The following CPLANE1 variants were observed in gnomAD, a reference collection of about 807,000 sequenced individuals.
The protein encoded by CPLANE1 is ciliogenesis and planar polarity effector complex subunit 1.
A neutral mutation model predicts 362.5 loss-of-function variants in CPLANE1; 263 were observed. The observed-to-expected ratio is 0.73, with a 90% confidence interval of 0.66 to 0.80. The LOEUF (loss-of-function observed/expected upper bound fraction) is 0.80, where lower values mean the gene tolerates loss of function less well. CPLANE1 is among the 30% of genes least tolerant of loss of function. The pLI is 0.00. For synonymous variants in CPLANE1, 1,212 were observed against 1,302.6 expected, an observed-to-expected ratio of 0.93 and a Z score of 1.50; for missense variants, 3,461 against 3,793.4, an observed-to-expected ratio of 0.91 and a Z score of 2.30.
the CPLANE1 span, chr5:37,085,358 C>A: frequency 7.4e-7 from 1 of 1,347,058 alleles, no homozygotes; most frequent in Non-Finnish European, 1.1e-6. Context: ...TCCATCTGAT[C>A]TATGACACCA....
At chr5:37,098,390 C>G in the CPLANE1 span, among the ~76,000 whole-genome samples, 33 of 37,626 alleles carry the variant, frequency 8.8e-4, no homozygotes, top group African/African-American at 2.9e-3. Flanking sequence ...AACTCCGTCT[C>G]AAAAAAAAAA....
In CPLANE1 at chr5:37,170,087, T is replaced by A. The variant is rs1017787313; in HGVS notation, c.6416A>T (p.His2139Leu). ...REPRKNSPHC[H>L]EGTIPSGQNS... ...TTGACCAGATGGGATAGTTCCTTCATGGCAGTGTGGGCTGTTCTTGCGAGG... is the reference window on the plus strand; with the variant it reads ...TTGACCAGATGGGATAGTTCCTTCAAGGCAGTGTGGGCTGTTCTTGCGAGG... The change falls in exon 33 of 53, where the codon CAT becomes CTT. Residue 2139 changes from histidine (H) to leucine (L), a missense_variant. By Grantham distance (99) the His-to-Leu change is moderately conservative. Around this residue, in one of 2 missense-constraint regions of CPLANE1, gnomAD observed 3,380 missense variants for 3,666.1 expected, o/e 0.92. Transcript: ENST00000651892. The A allele has an allele frequency of 1.2e-6, 2 of 1,614,070 alleles. No homozygotes were observed. Among genetic ancestry groups the A allele is most frequent in the African/African-American group, 1.3e-5 (1 of 74,930 alleles).
rs749362368 is a variant in CPLANE1, at chr5:37,184,786, A to T, written c.4481+2T>A. ...CCAGTGATTAAAAGATCTCAATTGT[A>T]CCTTTGATAGATATTTATCCTACTT... On this transcript the variant is annotated splice_donor_variant, in intron 25 of 52. Coordinates refer to ENST00000651892, the MANE Select transcript of CPLANE1 (RefSeq NM_001384732.1). LOFTEE classifies it high-confidence loss of function. The T allele has an allele frequency of 1.2e-6, 2 of 1,607,484 alleles. No individual in the cohort carries two copies. Among genetic ancestry groups the T allele is most frequent in the East Asian group, 4.5e-5 (2 of 44,830 alleles).
Position 37,153,785 on chromosome 5 carries a change from T to A in CPLANE1, c.8328A>T (p.Glu2776Asp), listed in dbSNP as rs769769195. The stretch of plus-strand genomic sequence containing the variant: ...GCATTTCAGGCTTGGGGAAATCCTG[T>A]TCTATGTTTTCAGCAATGTTCTGTA... ...LAIQNIAENIEQDFPKPEMLD... is the reference protein window; with the variant it reads ...LAIQNIAENIDQDFPKPEMLD... The change falls in exon 42 of 53, where the codon GAA (glutamate) becomes GAT (aspartate). Residue 2776 changes from glutamate (E) to aspartate (D), a missense_variant. Physicochemically the swap from Glu to Asp is conservative, Grantham distance 45 (BLOSUM62 2). Coordinates refer to ENST00000651892, the MANE Select transcript of CPLANE1 (RefSeq NM_001384732.1). 4.0e-5 allele frequency: 65 copies of A among 1,613,866 alleles called. No individual in the cohort carries two copies. Among genetic ancestry groups the A allele is most frequent in the Non-Finnish European group, 5.3e-5 (62 of 1,179,910 alleles).
rs567136523 is a variant in CPLANE1, at chr5:37,213,708, C to A, written c.2771G>T (p.Cys924Phe). ...AGGATGAACACCGCCCACCATTCCA[C>A]ACTCAAAATGAGACTTTGCAGCACC... Reference protein sequence around the residue: ...FSGAAKSHFECGMVGGVHPEA... With the variant: ...FSGAAKSHFEFGMVGGVHPEA... The change falls in exon 16 of 53, where the codon TGT becomes TTT. Residue 924 changes from cysteine to phenylalanine, a missense_variant. Physicochemically the swap from Cys to Phe is radical, Grantham distance 205. Coordinates refer to ENST00000651892, the MANE Select transcript of CPLANE1 (RefSeq NM_001384732.1). The A allele has an allele frequency of 5.3e-6, 8 of 1,521,700 alleles. No individual in the cohort carries two copies. In the African/African-American group the frequency reaches 1.1e-4, roughly 21 times the overall value. 94.3% of individuals were successfully genotyped at this position (1,521,700 alleles called of 1,614,324 possible).
chr5:37,215,916 C>T (rs896218067), intron 15 of CPLANE1, among the ~76,000 whole-genome samples: 8 of 151,986 alleles, frequency 5.3e-5, no homozygotes, highest in African/African-American at 1.9e-4. Context: ...ACTGCAACCT[C>T]TGCCTCCAAG....
intron 46 of CPLANE1, chr5:37,138,430 T>G (rs1209667212): frequency 4.1e-6 from 2 of 484,028 alleles, no homozygotes; most frequent in South Asian, 3.4e-5. Context: ...AGCGTTAATT[T>G]TTGGGTAAAG....
chr5:37,142,105 A>G (rs1177150308), intron 44 of CPLANE1: 1 of 1,062,748 alleles, frequency 9.4e-7, no homozygotes, highest in Non-Finnish European at 1.2e-6. Flanking sequence ...AAGATATGAT[A>G]CATAATTGCA....
At chr5:37,178,447 T>G (rs948380705) in intron 29 of CPLANE1, among the ~76,000 whole-genome samples, 9 of 151,848 alleles carry the variant, frequency 5.9e-5, no homozygotes, top group African/African-American at 2.2e-4. Context: ...AAAAATGTTT[T>G]TTTTTTTTTA....
chr5:37,139,658 C>T, intron 44 of CPLANE1: 1 of 419,722 alleles, frequency 2.4e-6, no homozygotes, highest in Non-Finnish European at 3.3e-6. Context: ...TCAAGCAAAC[C>T]TCCCACCTTA....
chr5:37,132,202 ATT>A (rs1406411518), intron 46 of CPLANE1, among the ~76,000 whole-genome samples: 1 of 152,112 alleles, frequency 6.6e-6, no homozygotes, highest in East Asian at 1.9e-4. Context: ...ATAGAAAAAT[ATT>A]GTTACCAGAA....
chr5:37,133,350 T>C (rs555588741), intron 46 of CPLANE1, among the ~76,000 whole-genome samples: 1 of 152,312 alleles, frequency 6.6e-6, no homozygotes, highest in South Asian at 2.1e-4. Context: ...GTTGAATCTA[T>C]AGATTGCTTT....
chr5:37,168,973 T>C lies in CPLANE1; in HGVS notation c.7051A>G (p.Ile2351Val). The part of the protein sequence containing the change: ...LFDVKPGTLE[I>V]SPHHSFGLPL... ...AGTCCAAAGGAATGGTGAGGAGATATCTCAAGGGTCCCTGGCTTAACATCA... is the reference window on the plus strand; with the variant it reads ...AGTCCAAAGGAATGGTGAGGAGATACCTCAAGGGTCCCTGGCTTAACATCA... Residue 2351 changes from isoleucine (I) to valine (V), a missense_variant, in exon 34 of 53, where the codon ATA (isoleucine) becomes GTA (valine). Physicochemically the swap from Ile to Val is conservative, Grantham distance 29. Coordinates refer to ENST00000651892, the MANE Select transcript of CPLANE1 (RefSeq NM_001384732.1). The C allele has an allele frequency of 6.2e-7, 1 of 1,614,176 alleles. No homozygotes were observed.
chr5:37,099,255 A>C, the CPLANE1 span, among the ~76,000 whole-genome samples: 1 of 152,148 alleles, frequency 6.6e-6, no homozygotes, highest in African/African-American at 2.4e-5. Flanking sequence ...CCCAGCATCC[A>C]TTAGTTATTC....
intron 20 of CPLANE1, among the ~76,000 whole-genome samples, chr5:37,196,821 A>G (rs1787621586): frequency 6.6e-6 from 1 of 152,118 alleles, no homozygotes; most frequent in African/African-American, 2.4e-5. Context: ...GGTACTCAGG[A>G]GGCTGAGGCA....
rs187913073 is a variant in CPLANE1 at position 37,240,565 on chromosome 5, G to A, written c.678-696C>T. Among the ~76,000 whole-genome samples the A allele has an allele frequency of 3.3e-3, 506 of 152,188 alleles. 1 individual carries two copies. In the Middle Eastern group the frequency reaches 0.034, roughly 10 times the overall value. On this transcript the variant is annotated intron_variant, in intron 6 of 52. Coordinates refer to ENST00000651892, the MANE Select transcript of CPLANE1 (RefSeq NM_001384732.1). The stretch of plus-strand genomic sequence containing the variant: ...GCTCTTTTAAACAACCAGATCTCCC[G>A]TGAACTCAGAGCAAGAACTCATTAC...
chr5:37,192,110 T>C (rs1785705842), intron 21 of CPLANE1, among the ~76,000 whole-genome samples: 1 of 152,216 alleles, frequency 6.6e-6, no homozygotes. Context: ...ATACTGTATT[T>C]TTACTGTACC....
chr5:37,093,477 C>T, the CPLANE1 span, among the ~76,000 whole-genome samples: 1 of 152,070 alleles, frequency 6.6e-6, no homozygotes. Flanking sequence ...CAACTTAAAA[C>T]TAAAATTTTA....
At chr5:37,129,221 G>T (rs1363346353) in intron 46 of CPLANE1, among the ~76,000 whole-genome samples, 1 of 152,138 alleles carries the variant, frequency 6.6e-6, no homozygotes, top group African/African-American at 2.4e-5. Context: ...AATAAAACTG[G>T]ATCCTCATCT....
Sources: allele counts gnomAD v4.1 joint callset (sites outside exome capture counted in the v4.1 genomes callset), GRCh38; gene constraint gnomAD v4.1.1; regional missense constraint gnomAD v4.1.1; transcripts MANE v1.5; gene names NCBI Gene and HGNC (gene_info 2026-07-23, HGNC 2026-07-21).